Variants in CEP83 observed in about 807,000 individuals in gnomAD.
CEP83 encodes the protein centrosomal protein of 83 kDa.
In CEP83, 70 loss-of-function variants were observed where a neutral mutation model predicts 101.9. That is an observed-to-expected ratio of 0.69 (90% CI 0.57 to 0.84). CEP83 has a LOEUF of 0.84. Among genes scored for constraint, CEP83 ranks in the 40% least tolerant of loss-of-function variants. CEP83 has a pLI of 0.00. For missense variants in CEP83, 715 were observed against 787.2 expected (o/e 0.91, Z 1.10); for synonymous variants, 264 against 267.9 (o/e 0.99, Z 0.14).
At chr12:94,370,592 G>A (rs2061256583) in intron 8 of CEP83, among the ~76,000 whole-genome samples, 1 of 152,062 alleles carries the variant, frequency 6.6e-6, no homozygotes. Context: ...TGACCAGGCT[G>A]GTCTCAAACT....
intron 11 of CEP83, among the ~76,000 whole-genome samples, chr12:94,346,855 T>C (rs1437311900): frequency 6.6e-6 from 1 of 152,104 alleles, no homozygotes; most frequent in Admixed American, 6.5e-5. Context: ...CTGGGAAACA[T>C]GGAGAAACCT....
chr12:94,390,785 G>A (rs1322901114), intron 6 of CEP83, among the ~76,000 whole-genome samples: 2 of 152,278 alleles, frequency 1.3e-5, no homozygotes, highest in East Asian at 1.9e-4. Flanking sequence ...GACCTTCAAT[G>A]ACCTGATGGA....
intron 2 of CEP83, chr12:94,434,077 T>C (rs1453795996): frequency 5.3e-5 from 8 of 152,024 alleles, no homozygotes; most frequent in African/African-American, 1.9e-4. Context: ...AGACATAAAA[T>C]AAGGATTTTG....
In CEP83 at chr12:94,315,054, C is replaced by T. The variant is rs138454389; in HGVS notation, c.1708-2037G>A. ...GTCTGGGGATATCATAAATATTTTA[C>T]GAACATTCCTAAACATGTTTTTCGC... On this transcript the variant is annotated intron_variant, in intron 14 of 16. Coordinates refer to ENST00000397809, the MANE Select transcript of CEP83 (RefSeq NM_016122.3). 8.5e-4 allele frequency among the ~76,000 whole-genome samples: 130 copies of T among 152,210 alleles called. 1 individual carries two copies. In the East Asian group the frequency reaches 0.022, roughly 26 times the overall value.
At chr12:94,296,364 A>G in the CEP83 span, among the ~76,000 whole-genome samples, 1 of 152,034 alleles carries the variant, frequency 6.6e-6, no homozygotes, top group South Asian at 2.1e-4. Flanking sequence ...GTCTCGCTAC[A>G]TTGTCCAGGC....
chr12:94,293,653 C>G, the CEP83 span, among the ~76,000 whole-genome samples: 6 of 152,314 alleles, frequency 3.9e-5, no homozygotes, highest in Non-Finnish European at 7.4e-5. Flanking sequence ...AGGTCTCACT[C>G]TGTCGCCCAG....
the CEP83 span, among the ~76,000 whole-genome samples, chr12:94,275,940 A>T: frequency 1.3e-5 from 2 of 150,304 alleles, no homozygotes; most frequent in African/African-American, 4.9e-5. Flanking sequence ...ATATCAATTT[A>T]TGTCTGAATT....
intron 11 of CEP83, among the ~76,000 whole-genome samples, chr12:94,357,471 C>T (rs2060534437): frequency 6.6e-6 from 1 of 152,148 alleles, no homozygotes; most frequent in Non-Finnish European, 1.5e-5. Flanking sequence ...CAGTGTCACT[C>T]TAAGTTTGAT....
chr12:94,373,335 C>T (rs533195531), intron 8 of CEP83, among the ~76,000 whole-genome samples: 49 of 152,182 alleles, frequency 3.2e-4, no homozygotes, highest in African/African-American at 1.1e-3. Context: ...AATGTCAAAA[C>T]TGGCAAAACT....
chr12:94,317,884 T>C (rs867613310), intron 14 of CEP83, among the ~76,000 whole-genome samples: 3 of 152,140 alleles, frequency 2.0e-5, no homozygotes, highest in Non-Finnish European at 4.4e-5. Flanking sequence ...TTGTTTGGCA[T>C]AGGATTGCTG....
intron 1 of CEP83, among the ~76,000 whole-genome samples, chr12:94,438,200 CTGAG>C (rs2066136836): frequency 6.6e-6 from 1 of 150,746 alleles, no homozygotes; most frequent in African/African-American, 2.4e-5. Context: ...GCCTGGGTGA[CTGAG>C]TGAGACTGTC....
chr12:94,457,244 T>G (rs2067751875), intron 1 of CEP83, among the ~76,000 whole-genome samples: 2 of 152,184 alleles, frequency 1.3e-5, no homozygotes, highest in African/African-American at 4.8e-5. Flanking sequence ...TCACCTTAAG[T>G]CAAGAAACAT....
In CEP83 at chr12:94,308,201, A is replaced by C. The variant is rs1349470559; in HGVS notation, c.*612T>G. 1 of 152,196 alleles carries C rather than the reference A, an allele frequency of 6.6e-6. No individual in the cohort carries two copies. Among genetic ancestry groups the C allele is most frequent in the African/African-American group, 2.4e-5 (1 of 41,466 alleles). The allele number at this position is 152,196 out of a possible 1,614,324, so 9.4% of individuals were successfully genotyped here. A position where few individuals can be genotyped will look rare whatever the true frequency, so the allele number is the denominator to read the frequency against. On this transcript the variant is annotated 3_prime_UTR_variant, in exon 17 of 17. Coordinates refer to ENST00000397809, the MANE Select transcript of CEP83 (RefSeq NM_016122.3). The stretch of plus-strand genomic sequence containing the variant: ...ATTTAATTATTTGCACTTATTCTCT[A>C]TTCTAACAAAGCCAAAATCAGTAGA...
intron 11 of CEP83, among the ~76,000 whole-genome samples, chr12:94,351,596 A>G (rs1021572213): frequency 2.6e-5 from 4 of 152,208 alleles, no homozygotes; most frequent in African/African-American, 9.7e-5. Context: ...CAAGCAATCT[A>G]GCACAGCAGG....
At chr12:94,376,520 C>T (rs74506061) in intron 7 of CEP83, among the ~76,000 whole-genome samples, 4,339 of 151,762 alleles carry the variant, frequency 0.029, 82 homozygotes, top group Middle Eastern at 0.058. Flanking sequence ...TTTTTAAGTA[C>T]GAGCAAAGAG....
intron 7 of CEP83, among the ~76,000 whole-genome samples, chr12:94,377,944 G>A (rs1034989653): frequency 3.3e-5 from 5 of 151,898 alleles, no homozygotes; most frequent in Non-Finnish European, 5.9e-5. Flanking sequence ...AAAATAAAAA[G>A]TAACTTCTAC....
intron 11 of CEP83, among the ~76,000 whole-genome samples, chr12:94,361,847 G>A (rs1362506486): frequency 7.2e-5 from 11 of 151,940 alleles, no homozygotes; most frequent in East Asian, 5.8e-4. Flanking sequence ...GATTACTGGC[G>A]CACACTACCA....
intron 2 of CEP83, 92 bp from the exon 3 acceptor site, chr12:94,412,683 T>A: frequency 2.6e-6 from 1 of 384,836 alleles, no homozygotes; most frequent in East Asian, 5.0e-5. Flanking sequence ...TTTATTATTC[T>A]TTTTTTTTTC....
At position 94,429,062 on chromosome 12, in the gene CEP83, A is replaced by G. The variant is rs1006239502; in HGVS notation, c.-102+6213T>C. ...GACTATTTAAACTTTCTGGACTTAA[A>G]ATTTTTTTACCATGTGCACATATTA... On this transcript the variant is annotated intron_variant, in intron 2 of 16. Coordinates refer to ENST00000397809, the MANE Select transcript of CEP83 (RefSeq NM_016122.3). Among the ~76,000 whole-genome samples, 7 of 152,304 alleles carry G rather than the reference A, an allele frequency of 4.6e-5. 1 individual carries two copies. The South Asian group carries it at 1.2e-3, about 27-fold the overall frequency.
Sources: allele counts gnomAD v4.1 joint callset (sites outside exome capture counted in the v4.1 genomes callset), GRCh38; gene constraint gnomAD v4.1.1; transcripts MANE v1.5; gene names NCBI Gene and HGNC (gene_info 2026-07-23, HGNC 2026-07-21).